Variants in TBC1D13 observed in about 807,000 individuals in gnomAD.
TBC1D13 encodes TBC1 domain family member 13.
TBC1D13 carries 40 observed loss-of-function variants against 53.6 expected under a neutral mutation model. The ratio of observed to expected loss-of-function variants is 0.75; its 90% CI spans 0.58 to 0.97. The LOEUF (loss-of-function observed/expected upper bound fraction) is 0.97. Ranked by LOEUF, TBC1D13 falls within the 50% of genes least tolerant of loss-of-function variation. The probability of loss-of-function intolerance (pLI) is 0.00; values close to 1 mark genes in which losing one functional copy is unlikely to be tolerated. For synonymous variants in TBC1D13, 182 were observed against 197.7 expected, an observed-to-expected ratio of 0.92 and a Z score of 0.67; for missense variants, 377 against 499.4, an observed-to-expected ratio of 0.75 and a Z score of 2.34.
At position 128,803,948 on chromosome 9, in the gene TBC1D13, T is replaced by C. The variant is rs377075043; in HGVS notation, c.755-8T>C. On this transcript the variant is annotated splice_polypyrimidine_tract_variant and splice_region_variant and intron_variant, in intron 8 of 11. Transcript: ENST00000372648. ...CGCCACTTCTGCCCCCATCCTGCTC[T>C]CTCCCAGAGCACGCCGAGGCAGACA... 146 of 1,612,152 alleles carry C rather than the reference T, an allele frequency of 9.1e-5. No homozygotes were observed. Among genetic ancestry groups the C allele is most frequent in the Non-Finnish European group, 1.2e-4 (138 of 1,179,872 alleles).
chr9:128,789,259 T>G (rs1829484370), intron 2 of TBC1D13, among the ~76,000 whole-genome samples: 1 of 131,984 alleles, frequency 7.6e-6, no homozygotes, highest in Non-Finnish European at 1.5e-5. Context: ...GGAATTGCAG[T>G]GAGCCGAGAT....
chr9:128,804,962 C>T (rs1045798555), intron 9 of TBC1D13, among the ~76,000 whole-genome samples: 1 of 151,818 alleles, frequency 6.6e-6, no homozygotes, highest in Non-Finnish European at 1.5e-5. Flanking sequence ...CTCCTGACCT[C>T]AAGTGATCCG....
chr9:128,802,521 T>C (rs1209119728), intron 7 of TBC1D13, among the ~76,000 whole-genome samples: 1 of 152,202 alleles, frequency 6.6e-6, no homozygotes, highest in Non-Finnish European at 1.5e-5. Context: ...TTAGTACTTC[T>C]CACTGCTCTG....
rs1366428640 is a variant in TBC1D13, at chr9:128,809,932, T to C, written c.*2053T>C. The C allele has an allele frequency of 2.0e-5, 3 of 152,656 alleles. No individual in the cohort carries two copies. Among genetic ancestry groups the C allele is most frequent in the Non-Finnish European group, 4.4e-5 (3 of 68,434 alleles). 9.5% of individuals were successfully genotyped at this position (152,656 alleles called of 1,614,324 possible). ...TTCAGCCCCTTCTCCAACCCCTTCA[T>C]AAGCTTGGGCCACTGCCTGGGACCC... On this transcript the variant is annotated 3_prime_UTR_variant, in exon 12 of 12. Transcript: ENST00000372648.
At chr9:128,790,684 G>A in intron 2 of TBC1D13, 51 bp from the exon 3 acceptor site, 1 of 1,517,524 alleles carries the variant, frequency 6.6e-7, no homozygotes, top group Non-Finnish European at 8.8e-7. Context: ...GAAGGGCTGG[G>A]GGTTCTGGGA....
Position 128,797,153 on chromosome 9 carries a change from G to C in TBC1D13, c.482G>C (p.Arg161Thr). 3.7e-6 allele frequency: 6 copies of C among 1,614,154 alleles called. No individual in the cohort carries two copies. Among genetic ancestry groups the C allele is most frequent in the Non-Finnish European group, 5.1e-6 (6 of 1,180,034 alleles). ...PQNEFETLRKRVEQTTLKSQT... is the reference protein window; with the variant it reads ...PQNEFETLRKTVEQTTLKSQT... ...AATGAGTTTGAAACCCTTCGTAAGA[G>C]AGTGGAACAGACAACACTGAAATCT... is the stretch of plus-strand genomic sequence containing the variant. The change falls in exon 7 of 12, where the codon AGA becomes ACA. Residue 161 changes from arginine (R) to threonine (T), a missense_variant. By Grantham distance (71) the Arg-to-Thr change is moderately conservative. Transcript: ENST00000372648.
chr9:128,790,552 T>A (rs1224074586), intron 2 of TBC1D13, among the ~76,000 whole-genome samples, 183 bp from the exon 3 acceptor site: 1 of 152,110 alleles, frequency 6.6e-6, no homozygotes, highest in Non-Finnish European at 1.5e-5. Flanking sequence ...CCAGCCTAGG[T>A]GTTAGAGGGA....
chr9:128,791,375 T>G lies in TBC1D13; in HGVS notation c.139-5T>G. The G allele has an allele frequency of 6.2e-7, 1 of 1,614,182 alleles. No homozygotes were observed. Among genetic ancestry groups the G allele is most frequent in the East Asian group, 2.2e-5 (1 of 44,886 alleles). On this transcript the variant is annotated splice_polypyrimidine_tract_variant and splice_region_variant and intron_variant, in intron 3 of 11. Transcript: ENST00000372648. ...CCAGAGCTTTGCCCTTCTCCCTCTG[T>G]GCAGATTCTCTTGAACTACCTTCCC...
chr9:128,790,188 C>T (rs548433290), intron 2 of TBC1D13, among the ~76,000 whole-genome samples: 3 of 143,516 alleles, frequency 2.1e-5, no homozygotes, highest in East Asian at 2.0e-4. Flanking sequence ...ACCGGGGAGG[C>T]GGAGGTTGCA....
At position 128,787,276 on chromosome 9, in the gene TBC1D13, G is replaced by GGGCGGC. The variant is rs544064818; in HGVS notation, c.-65_-60dup. 36 of 1,242,014 alleles carry GGGCGGC rather than the reference G, an allele frequency of 2.9e-5. No homozygotes were observed. The East Asian group carries it at 6.0e-4, about 21-fold the overall frequency. The allele number at this position is 1,242,014 out of a possible 1,614,324, so 76.9% of individuals were successfully genotyped here. A position where few individuals can be genotyped will look rare whatever the true frequency, so the allele number is the denominator to read the frequency against. Reference sequence around the variant, plus strand: ...TTGCGCAGAGCCCCGCGTCCCTGGGGGGCGGCGGCGGCGGCGGCAGCGCAG... The same window carrying GGGCGGC: ...TTGCGCAGAGCCCCGCGTCCCTGGGGGGCGGCGGCGGCGGCGGCGGCGGCAGCGCAG... On this transcript the variant is annotated 5_prime_UTR_variant, in exon 1 of 12. Coordinates refer to ENST00000372648, the MANE Select transcript of TBC1D13 (RefSeq NM_018201.5).
At chr9:128,791,823 T>G in intron 5 of TBC1D13, 130 bp downstream of exon 5, 1 of 723,780 alleles carries the variant, frequency 1.4e-6, no homozygotes, top group African/African-American at 1.7e-5. Context: ...GACCTCCCAG[T>G]TCCTCCTTTC....
chr9:128,791,305 G>A, intron 3 of TBC1D13, 75 bp from the exon 4 acceptor site: 1 of 1,369,174 alleles, frequency 7.3e-7, no homozygotes, highest in Non-Finnish European at 1.0e-6. Flanking sequence ...TTTTCTTGAG[G>A]CCTGTCATCC....
intron 7 of TBC1D13, among the ~76,000 whole-genome samples, chr9:128,802,124 C>T (rs1829747161): frequency 6.8e-6 from 1 of 148,068 alleles, no homozygotes; most frequent in Non-Finnish European, 1.5e-5. Context: ...GGTGCAATCT[C>T]GGCTCACCAC....
At position 128,805,972 on chromosome 9, in the gene TBC1D13, T is replaced by C. The variant is rs758042718; in HGVS notation, c.1032T>C (p.Asp344=). The change falls in exon 10 of 12, where the codon GAT becomes GAC. Residue 344 remains aspartate (D), a synonymous_variant. Transcript: ENST00000372648. ...VIRIWDSLFA[D]DNRFDFLLLV... ...GCATCTGGGACTCCCTCTTCGCCGA[T>C]GACAACCGCTTTGACTTCCTCCTCC... 9.9e-6 allele frequency: 16 copies of C among 1,614,254 alleles called. No homozygotes were observed. Among genetic ancestry groups the C allele is most frequent in the Admixed American group, 3.3e-5 (2 of 60,032 alleles).
At chr9:128,806,718 G>A (rs1349144782) in intron 11 of TBC1D13, among the ~76,000 whole-genome samples, 3 of 152,112 alleles carry the variant, frequency 2.0e-5, no homozygotes, top group African/African-American at 4.8e-5. Flanking sequence ...TGGGGTGGGT[G>A]GACCACCTGA....
rs557520896 is a variant in TBC1D13 at position 128,796,524 on chromosome 9, T to G, written c.384-531T>G. Among the ~76,000 whole-genome samples, 6 of 152,226 alleles carry G rather than the reference T, an allele frequency of 3.9e-5. No individual in the cohort carries two copies. The East Asian group carries it at 5.8e-4, about 15-fold the overall frequency. On this transcript the variant is annotated intron_variant, in intron 6 of 11. Transcript: ENST00000372648. The stretch of plus-strand genomic sequence containing the variant: ...CCTCAGCCTCCCAAAGTGCTGGGAT[T>G]ATAGGCGTGAGCCACCGTGCCCAGC...
intron 1 of TBC1D13, among the ~76,000 whole-genome samples, chr9:128,787,928 A>G (rs1283319972): frequency 6.6e-6 from 1 of 152,054 alleles, no homozygotes; most frequent in Non-Finnish European, 1.5e-5. Flanking sequence ...TTGTCTGCAT[A>G]TCAAATTACT....
At chr9:128,793,823 G>GCAC (rs1829578377) in intron 6 of TBC1D13, among the ~76,000 whole-genome samples, 1 of 152,200 alleles carries the variant, frequency 6.6e-6, no homozygotes, top group Non-Finnish European at 1.5e-5. Flanking sequence ...AAGTCAGTCT[G>GCAC]CACCAGTACA....
rs1829873771 is a variant in TBC1D13, at chr9:128,808,168, CA to C, written c.*290del. Reference sequence around the variant, plus strand: ...GCCGTTTCTGGCACTGGGAGGCTGGCAGGGGCCCCTCCCTGCCTCGGCTCTG... The same window carrying C: ...GCCGTTTCTGGCACTGGGAGGCTGGCGGGGCCCCTCCCTGCCTCGGCTCTG... On this transcript the variant is annotated 3_prime_UTR_variant, in exon 12 of 12. Coordinates refer to ENST00000372648, the MANE Select transcript of TBC1D13 (RefSeq NM_018201.5). The C allele has an allele frequency of 7.0e-6, 3 of 430,150 alleles. No individual in the cohort carries two copies. Among genetic ancestry groups the C allele is most frequent in the South Asian group, 5.6e-5 (2 of 35,850 alleles). 26.6% of individuals were successfully genotyped at this position (430,150 alleles called of 1,614,324 possible). A position where few individuals can be genotyped will look rare whatever the true frequency, so the allele number is the denominator to read the frequency against.
Sources: gnomAD v4.1 joint callset for allele counts (sites outside exome capture counted in the v4.1 genomes callset) on GRCh38, gnomAD v4.1.1 for gene constraint, MANE v1.5 for transcripts, NCBI Gene and HGNC (gene_info 2026-07-23, HGNC 2026-07-21) for gene names.